Variants in FTCD observed in about 807,000 individuals in gnomAD.
FTCD encodes formimidoyltransferase cyclodeaminase.
A neutral mutation model predicts 62.9 loss-of-function variants in FTCD; 76 were observed. That is an observed-to-expected ratio of 1.21 (90% CI 1.00 to 1.46). The LOEUF (loss-of-function observed/expected upper bound fraction) is 1.46. Among genes scored for constraint, FTCD ranks in the 40% most tolerant of loss-of-function variants. FTCD has a pLI of 0.00. For missense variants in FTCD, 845 were observed against 751.3 expected (o/e 1.12, Z -1.46); for synonymous variants, 397 against 336.9 (o/e 1.18, Z -1.95).
chr21:46,150,055 C>T (rs1413490372), intron 7 of FTCD, 64 bp downstream of exon 7: 22 of 1,486,472 alleles, frequency 1.5e-5, no homozygotes, highest in African/African-American at 8.4e-5. Flanking sequence ...CTGTGAGCTC[C>T]GCCACCGCCT....
chr21:46,153,233 C>G (rs373506325), intron 2 of FTCD, among the ~76,000 whole-genome samples, 198 bp from the exon 3 acceptor site: 2 of 152,198 alleles, frequency 1.3e-5, no homozygotes, highest in African/African-American at 2.4e-5. Context: ...CACCAGCCCT[C>G]CCGGGACAAC....
chr21:46,146,407 C>T (rs2079149038), intron 7 of FTCD, 80 bp from the exon 8 acceptor site: 1 of 965,966 alleles, frequency 1.0e-6, no homozygotes, highest in South Asian at 1.4e-5. Flanking sequence ...GGGTCCCACC[C>T]TTGCGGCAGC....
intron 10 of FTCD, among the ~76,000 whole-genome samples, chr21:46,141,644 C>A (rs1346421058): frequency 1.3e-5 from 2 of 151,722 alleles, no homozygotes; most frequent in Non-Finnish European, 2.9e-5. Context: ...TGTCAGAAGC[C>A]CCACACGCAA....
At chr21:46,152,512 C>T (rs538295157) in intron 3 of FTCD, 35 of 198,298 alleles carry the variant, frequency 1.8e-4, no homozygotes, top group Admixed American at 1.4e-3. Flanking sequence ...GTCCCTGCCT[C>T]GGGATTTCTT....
Position 46,137,318 on chromosome 21 carries a change from A to T in FTCD, c.1460T>A (p.Leu487Gln). 6.2e-7 allele frequency: 1 copy of T among 1,613,562 alleles called. No individual in the cohort carries two copies. The highest frequency in any genetic ancestry group is 8.5e-7 in the Non-Finnish European group (1 of 1,179,806). ...ATATGCGCCAAACACGCCCATCTCC[A>T]GGGCTTTGGCCGCCACCTGCAAGGA... ...RSDLQVAAKALEMGVFGAYFN... is the reference protein window; with the variant it reads ...RSDLQVAAKAQEMGVFGAYFN... Residue 487 changes from leucine (L) to glutamine (Q), a missense_variant, in exon 13 of 14, where the codon CTG becomes CAG. Coordinates refer to ENST00000397746, the MANE Select transcript of FTCD (RefSeq NM_206965.2).
Position 46,138,813 on chromosome 21 carries a change from C to T in FTCD, c.1304+67G>A, listed in dbSNP as rs1226644488. 2.0e-6 allele frequency: 3 copies of T among 1,477,858 alleles called. No homozygotes were observed. In the African/African-American group the frequency reaches 4.2e-5, roughly 20 times the overall value. 91.5% of individuals were successfully genotyped at this position (1,477,858 alleles called of 1,614,324 possible). On this transcript the variant is annotated intron_variant, in intron 11 of 13. Coordinates refer to ENST00000397746, the MANE Select transcript of FTCD (RefSeq NM_206965.2). ...CACGCCCCGTCACAGCACCCAGGTA[C>T]TCGGGATCCTGGCCACCAACTCCCC... is the stretch of plus-strand genomic sequence containing the variant.
chr21:46,145,821 GGCCGCAGCGGCC>G lies in FTCD; in HGVS notation c.1083_1094del (p.Ala362_Ala365del). On this transcript the variant is annotated inframe_deletion, in exon 9 of 14. Transcript: ENST00000397746. ...CTGCCCCTCCCCCCGCGCTCACCAT[GGCCGCAGCGGCC>G]GCCGCCACCGAGCCGCCCCCGGGGG... is the stretch of plus-strand genomic sequence containing the variant. The G allele has an allele frequency of 1.7e-6, 1 of 586,406 alleles. No homozygotes were observed. The highest frequency in any genetic ancestry group is 2.0e-6 in the Non-Finnish European group (1 of 512,444). 36.3% of individuals were successfully genotyped at this position (586,406 alleles called of 1,614,324 possible).
chr21:46,138,408 T>TGGCTC, intron 12 of FTCD, 100 bp downstream of exon 12: 1 of 1,213,098 alleles, frequency 8.2e-7, no homozygotes, highest in South Asian at 1.3e-5. Flanking sequence ...TCTCCCTACC[T>TGGCTC]GGCTCAGCCC....
chr21:46,154,545 G>A (rs1398547060), intron 1 of FTCD, among the ~76,000 whole-genome samples: 1 of 152,096 alleles, frequency 6.6e-6, no homozygotes, highest in African/African-American at 2.4e-5. Flanking sequence ...TCCAGCCCAA[G>A]CACAGTCCCC....
Position 46,153,026 on chromosome 21 carries a change from G to A in FTCD, c.248C>T (p.Pro83Leu), listed in dbSNP as rs760741162. ...IDMSRHQGEH[P>L]RMGALDVCPF... ...GCAGACGTCTAGGGCCCCCATGCGG[G>A]GGTGCTCTCCTGCAGAGAGACGGCG... The change falls in exon 3 of 14, where the codon CCC becomes CTC. Residue 83 changes from proline to leucine, a missense_variant. Physicochemically the swap from Pro to Leu is moderately conservative, Grantham distance 98. Transcript: ENST00000397746. 94 of 1,548,954 alleles carry A rather than the reference G, an allele frequency of 6.1e-5. No homozygotes were observed. Among genetic ancestry groups the A allele is most frequent in the Admixed American group, 2.2e-4 (11 of 50,990 alleles).
chr21:46,152,071 T>A, intron 3 of FTCD, 91 bp from the exon 4 acceptor site: 1 of 900,550 alleles, frequency 1.1e-6, no homozygotes, highest in Non-Finnish European at 1.7e-6. Context: ...CCCTCCAGCC[T>A]AACCCAGGAA....
At chr21:46,140,318 ACCTTCGCATTGCT>A (rs1482882337) in intron 10 of FTCD, among the ~76,000 whole-genome samples, 1 of 143,808 alleles carries the variant, frequency 7.0e-6, no homozygotes, top group Non-Finnish European at 1.5e-5. Context: ...CTCCCCGTCC[ACCTTCGCATTGCT>A]CAGAGGGAGT....
At chr21:46,153,447 G>A (rs544645498) in intron 2 of FTCD, among the ~76,000 whole-genome samples, 59 of 152,224 alleles carry the variant, frequency 3.9e-4, no homozygotes, top group Non-Finnish European at 7.4e-4. Flanking sequence ...GCTGGGTTCC[G>A]GCCACCCCAA....
Position 46,150,541 on chromosome 21 carries a change from G to C in FTCD, c.637-16C>G, listed in dbSNP as rs749146897. On this transcript the variant is annotated splice_polypyrimidine_tract_variant and intron_variant, in intron 5 of 13. Coordinates refer to ENST00000397746, the MANE Select transcript of FTCD (RefSeq NM_206965.2). The stretch of plus-strand genomic sequence containing the variant: ...GACGTCCTGGCTGCAAAGGAAGAGC[G>C]TTCCCCAGCCTGGACTAGGAAGCTC... The C allele has an allele frequency of 1.2e-6, 2 of 1,612,694 alleles. No individual in the cohort carries two copies. The highest frequency in any genetic ancestry group is 1.7e-6 in the Non-Finnish European group (2 of 1,179,670).
intron 1 of FTCD, among the ~76,000 whole-genome samples, chr21:46,155,221 G>A (rs759807084): frequency 9.9e-5 from 15 of 152,100 alleles, no homozygotes; most frequent in African/African-American, 3.6e-4. Flanking sequence ...GAAAGCACCC[G>A]AAAGGCCCCT....
At chr21:46,137,416 G>T in intron 12 of FTCD, 82 bp from the exon 13 acceptor site, 2 of 1,061,594 alleles carry the variant, frequency 1.9e-6, no homozygotes, top group Non-Finnish European at 2.9e-6. Flanking sequence ...ACGGGCTCTG[G>T]GACAGGCCGG....
rs866940339 is a variant in FTCD at position 46,146,599 on chromosome 21, G to A, written c.907-272C>T. The A allele has an allele frequency of 1.4e-4, 79 of 567,116 alleles. 1 individual carries two copies. The highest frequency in any genetic ancestry group is 1.4e-3 in the South Asian group (63 of 46,292). 35.1% of individuals were successfully genotyped at this position (567,116 alleles called of 1,614,324 possible). ...TGGGGAACCTGAGGCCCAGAGAAAG[G>A]AGTTGCCCCCTGGGGACCCCTCAGC... On this transcript the variant is annotated intron_variant, in intron 7 of 13. Transcript: ENST00000397746.
At chr21:46,137,746 CTAT>C (rs2078902804) in intron 12 of FTCD, among the ~76,000 whole-genome samples, 1 of 152,180 alleles carries the variant, frequency 6.6e-6, no homozygotes, top group African/African-American at 2.4e-5. Flanking sequence ...GGCGTCTTTC[CTAT>C]AAAGAACCCG....
chr21:46,152,039 G>A (rs2079298984), intron 3 of FTCD, 59 bp from the exon 4 acceptor site: 1 of 1,238,944 alleles, frequency 8.1e-7, no homozygotes, highest in Non-Finnish European at 1.1e-6. Flanking sequence ...CTCAGTTCCT[G>A]GAGGACGCAG....
Sources: gnomAD v4.1 joint callset for allele counts (sites outside exome capture counted in the v4.1 genomes callset) on GRCh38, gnomAD v4.1.1 for gene constraint, MANE v1.5 for transcripts, NCBI Gene and HGNC (gene_info 2026-07-23, HGNC 2026-07-21) for gene names.